Variants in TMEM117 observed in about 807,000 individuals in gnomAD.
TMEM117 encodes the protein transmembrane protein 117.
A neutral mutation model predicts 52.4 loss-of-function variants in TMEM117; 27 were observed. The ratio of observed to expected loss-of-function variants is 0.51; its 90% CI spans 0.38 to 0.71. The LOEUF is 0.71. Among genes scored for constraint, TMEM117 ranks in the 30% least tolerant of loss-of-function variants. TMEM117 has a pLI of 0.00. For synonymous variants in TMEM117, 215 were observed against 206.3 expected (o/e 1.04, Z -0.36); for missense variants, 556 against 630.5 (o/e 0.88, Z 1.26).
At chr12:43,922,642 C>T (rs1281414507) in intron 2 of TMEM117, among the ~76,000 whole-genome samples, 1 of 152,140 alleles carries the variant, frequency 6.6e-6, no homozygotes, top group Non-Finnish European at 1.5e-5. Flanking sequence ...GCTAACTTTA[C>T]ACTTGATTAA....
At chr12:44,150,490 G>A (rs1311864920) in intron 4 of TMEM117, among the ~76,000 whole-genome samples, 3 of 152,116 alleles carry the variant, frequency 2.0e-5, no homozygotes, top group African/African-American at 7.2e-5. Flanking sequence ...CCCAAGGACG[G>A]CAGATTTAGT....
chr12:44,285,413 G>A (rs949964567), intron 5 of TMEM117, among the ~76,000 whole-genome samples: 5 of 152,160 alleles, frequency 3.3e-5, no homozygotes, highest in South Asian at 2.1e-4. Context: ...CTGCATCTCC[G>A]TTCTCAAGGA....
chr12:44,048,042 C>T (rs1946907278), intron 3 of TMEM117, among the ~76,000 whole-genome samples: 1 of 152,014 alleles, frequency 6.6e-6, no homozygotes, highest in Admixed American at 6.5e-5. Flanking sequence ...CACAGATTTA[C>T]TTTATAAAAT....
intron 3 of TMEM117, among the ~76,000 whole-genome samples, chr12:44,012,743 A>G (rs1475948583): frequency 6.6e-6 from 1 of 152,188 alleles, no homozygotes; most frequent in African/African-American, 2.4e-5. Flanking sequence ...AGCCCTTAGC[A>G]TATTAACGAT....
At chr12:44,046,482 C>T (rs1592470482) in intron 3 of TMEM117, among the ~76,000 whole-genome samples, 1 of 152,102 alleles carries the variant, frequency 6.6e-6, no homozygotes, top group East Asian at 1.9e-4. Context: ...TGATTAAGGT[C>T]AATGGGAAAC....
intron 1 of TMEM117, among the ~76,000 whole-genome samples, chr12:43,840,395 T>C (rs1943099014): frequency 6.6e-6 from 1 of 152,200 alleles, no homozygotes; most frequent in Non-Finnish European, 1.5e-5. Context: ...ATGTTAGCCT[T>C]AGAAATATTA....
At chr12:44,157,017 C>A (rs1211627093) in intron 4 of TMEM117, among the ~76,000 whole-genome samples, 1 of 152,110 alleles carries the variant, frequency 6.6e-6, no homozygotes, top group African/African-American at 2.4e-5. Context: ...TTACTATGCC[C>A]AGGCTTTGGC....
intron 4 of TMEM117, among the ~76,000 whole-genome samples, chr12:44,206,903 C>A (rs1036524101): frequency 1.6e-4 from 25 of 152,112 alleles, no homozygotes; most frequent in African/African-American, 5.8e-4. Context: ...ACTTGTACAG[C>A]AAACCCCAGT....
intron 2 of TMEM117, among the ~76,000 whole-genome samples, chr12:43,939,244 A>C (rs557941113): frequency 6.6e-6 from 1 of 152,320 alleles, no homozygotes; most frequent in South Asian, 2.1e-4. Context: ...TTTCTTGTAT[A>C]TATGGGTGGG....
At chr12:44,064,885 T>C (rs1947198468) in intron 3 of TMEM117, among the ~76,000 whole-genome samples, 1 of 152,136 alleles carries the variant, frequency 6.6e-6, no homozygotes, top group African/African-American at 2.4e-5. Context: ...AGGAGTAGAT[T>C]TTAGGTGCTC....
At chr12:44,169,467 A>G (rs1949014825) in intron 4 of TMEM117, among the ~76,000 whole-genome samples, 1 of 152,098 alleles carries the variant, frequency 6.6e-6, no homozygotes, top group African/African-American at 2.4e-5. Context: ...GTATCTTTTC[A>G]TGTACTTATT....
intron 6 of TMEM117, among the ~76,000 whole-genome samples, chr12:44,361,056 G>C (rs1014368687): frequency 4.5e-4 from 69 of 151,782 alleles, no homozygotes; most frequent in African/African-American, 1.6e-3. Flanking sequence ...GTCTGTCTTG[G>C]GAAAAATGGA....
intron 3 of TMEM117, among the ~76,000 whole-genome samples, chr12:44,020,041 T>A (rs1946433094): frequency 1.3e-5 from 2 of 152,338 alleles, no homozygotes; most frequent in South Asian, 4.1e-4. Flanking sequence ...TAGTCAGTAA[T>A]GGTGTTTTCT....
chr12:43,853,656 A>G (rs964900387), intron 2 of TMEM117, among the ~76,000 whole-genome samples: 4 of 152,222 alleles, frequency 2.6e-5, no homozygotes, highest in African/African-American at 7.2e-5. Context: ...TCTGATCTCA[A>G]GGAATTTAAA....
At chr12:44,262,139 A>C (rs1950327619) in intron 5 of TMEM117, among the ~76,000 whole-genome samples, 1 of 152,210 alleles carries the variant, frequency 6.6e-6, no homozygotes, top group African/African-American at 2.4e-5. Flanking sequence ...CTTTAAAATA[A>C]GGAGAAAAAA....
chr12:43,956,480 G>A (rs1481460713), intron 3 of TMEM117, among the ~76,000 whole-genome samples: 1 of 103,442 alleles, frequency 9.7e-6, no homozygotes, highest in Non-Finnish European at 1.9e-5. Context: ...AGTGGGCAAA[G>A]GATATAAACA....
At chr12:44,246,319 T>C (rs1002917531) in intron 5 of TMEM117, among the ~76,000 whole-genome samples, 12 of 152,182 alleles carry the variant, frequency 7.9e-5, no homozygotes, top group African/African-American at 2.7e-4. Flanking sequence ...TAAATTTATA[T>C]GTTTTCTTAC....
At chr12:44,332,414 C>G (rs1211616885) in intron 6 of TMEM117, among the ~76,000 whole-genome samples, 1 of 151,854 alleles carries the variant, frequency 6.6e-6, no homozygotes, top group East Asian at 1.9e-4. Flanking sequence ...ACAACTGGAC[C>G]AAAGGAAAAG....
chr12:44,275,056 C>T (rs188094673), intron 5 of TMEM117, among the ~76,000 whole-genome samples: 5 of 152,010 alleles, frequency 3.3e-5, no homozygotes, highest in African/African-American at 4.8e-5. Context: ...ACCCATCTGA[C>T]GATGAATGAC....
Sources: gnomAD v4.1 joint callset for allele counts (sites outside exome capture counted in the v4.1 genomes callset) on GRCh38, gnomAD v4.1.1 for gene constraint, MANE v1.5 for transcripts, NCBI Gene and HGNC (gene_info 2026-07-23, HGNC 2026-07-21) for gene names.